RASGRF2: variants seen among roughly 807,000 people sequenced by gnomAD.
RASGRF2 encodes the protein Ras protein specific guanine nucleotide releasing factor 2.
Under a neutral mutation model 151.0 loss-of-function variants are expected in RASGRF2, and 76 were observed. That is an observed-to-expected ratio of 0.50 (90% CI 0.42 to 0.61). The LOEUF (loss-of-function observed/expected upper bound fraction) is 0.61, where lower values mean the gene tolerates loss of function less well. Among genes scored for constraint, RASGRF2 ranks in the 20% least tolerant of loss-of-function variants. RASGRF2 has a pLI of 0.00. For missense variants in RASGRF2, 1,148 were observed against 1,564.6 expected, an observed-to-expected ratio of 0.73 and a Z score of 4.49; for synonymous variants, 504 against 566.5, an observed-to-expected ratio of 0.89 and a Z score of 1.57.
At chr5:81,064,496 C>G (rs1441615916) in intron 2 of RASGRF2, among the ~76,000 whole-genome samples, 2 of 152,198 alleles carry the variant, frequency 1.3e-5, no homozygotes. Context: ...GGGTTGAGTA[C>G]TAGAAGCCGG....
At chr5:81,074,566 A>G (rs1253028816) in intron 5 of RASGRF2, among the ~76,000 whole-genome samples, 1 of 152,158 alleles carries the variant, frequency 6.6e-6, no homozygotes, top group Admixed American at 6.5e-5. Context: ...AACTATGAAT[A>G]TAGAGTCTTA....
intron 1 of RASGRF2, among the ~76,000 whole-genome samples, chr5:81,029,966 A>T (rs1561564568): frequency 6.6e-6 from 1 of 152,336 alleles, no homozygotes; most frequent in East Asian, 1.9e-4. Flanking sequence ...AAATGACCTG[A>T]TGGAGCTGAA....
intron 17 of RASGRF2, among the ~76,000 whole-genome samples, chr5:81,160,071 T>C (rs182101872): frequency 2.4e-4 from 37 of 152,288 alleles, no homozygotes; most frequent in Middle Eastern, 6.8e-3. Context: ...GAAGATTGCC[T>C]GAGGCCAGGA....
intron 1 of RASGRF2, among the ~76,000 whole-genome samples, chr5:81,003,058 C>A (rs1749128761): frequency 6.8e-6 from 1 of 148,082 alleles, no homozygotes; most frequent in Non-Finnish European, 1.5e-5. Flanking sequence ...CACAAAGAGA[C>A]TATTTTTTTT....
At chr5:80,972,289 T>A (rs909296802) in intron 1 of RASGRF2, among the ~76,000 whole-genome samples, 2 of 152,210 alleles carry the variant, frequency 1.3e-5, no homozygotes, top group Admixed American at 6.5e-5. Context: ...TTCTATCAAT[T>A]TATACTTCCA....
chr5:81,195,016 C>T (rs940986784), intron 18 of RASGRF2, among the ~76,000 whole-genome samples: 1 of 152,250 alleles, frequency 6.6e-6, no homozygotes, highest in Non-Finnish European at 1.5e-5. Flanking sequence ...ATCCCTGCTT[C>T]AGGAATTGGA....
intron 1 of RASGRF2, among the ~76,000 whole-genome samples, chr5:80,962,629 G>C (rs538273128): frequency 6.6e-6 from 1 of 150,642 alleles, no homozygotes; most frequent in South Asian, 2.1e-4. Flanking sequence ...TTTTCAGTTA[G>C]GGGTGGGGAG....
chr5:81,054,133 G>T (rs956514674), intron 2 of RASGRF2, among the ~76,000 whole-genome samples: 2 of 152,210 alleles, frequency 1.3e-5, no homozygotes, highest in Admixed American at 1.3e-4. Context: ...AGTTTAATTA[G>T]ATCCCATTTG....
chr5:80,979,702 C>T (rs755618342), intron 1 of RASGRF2, among the ~76,000 whole-genome samples: 1 of 152,172 alleles, frequency 6.6e-6, no homozygotes, highest in Admixed American at 6.5e-5. Flanking sequence ...GTATTTGGAA[C>T]AGCATACAGG....
intron 17 of RASGRF2, among the ~76,000 whole-genome samples, chr5:81,135,134 C>G (rs1753722602): frequency 6.8e-6 from 1 of 146,176 alleles, no homozygotes; most frequent in African/African-American, 2.8e-5. Context: ...TAGTAAAACC[C>G]CATTTCTACC....
intron 2 of RASGRF2, among the ~76,000 whole-genome samples, chr5:81,066,669 TTGAC>T (rs1350835640): frequency 2.6e-5 from 4 of 152,346 alleles, no homozygotes; most frequent in African/African-American, 9.6e-5. Context: ...CGGACTCACT[TTGAC>T]TGTTTTGGCT....
At chr5:81,092,679 T>C in intron 9 of RASGRF2, 122 bp from the exon 10 acceptor site, 1 of 850,590 alleles carries the variant, frequency 1.2e-6, no homozygotes, top group Non-Finnish European at 1.9e-6. Flanking sequence ...GTTCTGATGA[T>C]GTGTCACATA....
At chr5:81,197,920 TAAGTAA>T (rs1185202566) in intron 18 of RASGRF2, among the ~76,000 whole-genome samples, 12 of 152,168 alleles carry the variant, frequency 7.9e-5, no homozygotes, top group African/African-American at 2.4e-4. Context: ...TACATTTAAT[TAAGTAA>T]TGAAAGAGAC....
chr5:81,054,210 T>A (rs1477448872), intron 2 of RASGRF2, among the ~76,000 whole-genome samples: 1 of 152,256 alleles, frequency 6.6e-6, no homozygotes, highest in Admixed American at 6.5e-5. Context: ...CGTGCCTGTG[T>A]CCTGAATGGT....
At chr5:80,999,981 CT>C (rs1749026462) in intron 1 of RASGRF2, among the ~76,000 whole-genome samples, 1 of 152,152 alleles carries the variant, frequency 6.6e-6, no homozygotes, top group African/African-American at 2.4e-5. Context: ...ATGGGGAGGT[CT>C]CTTCTGTGTT....
chr5:81,195,534 T>A (rs1755244487), intron 18 of RASGRF2, among the ~76,000 whole-genome samples: 1 of 151,976 alleles, frequency 6.6e-6, no homozygotes, highest in East Asian at 1.9e-4. Flanking sequence ...CATCAGAAGA[T>A]CTAGATTTCT....
At chr5:80,964,593 T>G (rs1580143623) in intron 1 of RASGRF2, among the ~76,000 whole-genome samples, 2 of 152,162 alleles carry the variant, frequency 1.3e-5, no homozygotes, top group East Asian at 3.9e-4. Flanking sequence ...TGTTGAAGAG[T>G]TCCTTACTAA....
intron 18 of RASGRF2, among the ~76,000 whole-genome samples, chr5:81,194,935 C>T (rs1755229690): frequency 6.6e-6 from 1 of 152,240 alleles, no homozygotes; most frequent in Non-Finnish European, 1.5e-5. Context: ...GAAATATAAA[C>T]GTCTTGCATT....
At chr5:81,092,208 T>G (rs1752409439) in intron 9 of RASGRF2, among the ~76,000 whole-genome samples, 1 of 152,188 alleles carries the variant, frequency 6.6e-6, no homozygotes, top group South Asian at 2.1e-4. Context: ...CCACAAATAA[T>G]TTTTATCTCA....
Sources: allele counts gnomAD v4.1 joint callset (sites outside exome capture counted in the v4.1 genomes callset), GRCh38; gene constraint gnomAD v4.1.1; transcripts MANE v1.5; gene names NCBI Gene and HGNC (gene_info 2026-07-23, HGNC 2026-07-21).